CPNE4: variants seen among roughly 807,000 people sequenced by gnomAD.
CPNE4 encodes copine-4.
In CPNE4, 25 loss-of-function variants were observed where a neutral mutation model predicts 67.9. The ratio of observed to expected loss-of-function variants is 0.37; its 90% CI spans 0.27 to 0.51. CPNE4 has a LOEUF of 0.51. CPNE4 is among the 20% of genes least tolerant of loss of function. The pLI, the probability that CPNE4 is intolerant of heterozygous loss-of-function variation, is 0.93. For synonymous variants in CPNE4, 242 were observed against 244.9 expected (o/e 0.99, Z 0.11); for missense variants, 464 against 690.8 (o/e 0.67, Z 3.68).
At chr3:131,563,776 C>T (rs1329676817) in intron 11 of CPNE4, among the ~76,000 whole-genome samples, 2 of 152,006 alleles carry the variant, frequency 1.3e-5, no homozygotes, top group South Asian at 2.1e-4. Context: ...TTAAGGAATA[C>T]ATACTATATA....
At chr3:131,884,243 C>A (rs1177601834) in intron 2 of CPNE4, among the ~76,000 whole-genome samples, 2 of 152,144 alleles carry the variant, frequency 1.3e-5, no homozygotes, top group East Asian at 3.8e-4. Flanking sequence ...ATGTGTGCAC[C>A]ACTATGGACT....
intron 2 of CPNE4, among the ~76,000 whole-genome samples, chr3:131,890,588 T>C (rs61566966): frequency 6.6e-6 from 1 of 151,804 alleles, no homozygotes; most frequent in African/African-American, 2.4e-5. Context: ...CAATCCCACT[T>C]TGGGGGTATA....
chr3:132,031,635 A>T (rs568254868), intron 1 of CPNE4, among the ~76,000 whole-genome samples: 6 of 152,354 alleles, frequency 3.9e-5, no homozygotes, highest in African/African-American at 1.2e-4. Flanking sequence ...CTAAATGAAA[A>T]GATCCTTTCT....
At chr3:131,558,855 CTTTT>C (rs772079177) in intron 11 of CPNE4, among the ~76,000 whole-genome samples, 1 of 147,276 alleles carries the variant, frequency 6.8e-6, no homozygotes, top group Non-Finnish European at 1.5e-5. Flanking sequence ...GAGGACATGG[CTTTT>C]TTTTTTAAAG....
intron 2 of CPNE4, among the ~76,000 whole-genome samples, chr3:131,754,403 G>A (rs2082705566): frequency 6.6e-6 from 1 of 152,064 alleles, no homozygotes; most frequent in South Asian, 2.1e-4. Context: ...CTTTTAAAAG[G>A]TGATGACAAG....
intron 2 of CPNE4, among the ~76,000 whole-genome samples, chr3:131,743,693 C>G (rs528409985): frequency 6.6e-6 from 1 of 151,920 alleles, no homozygotes; most frequent in Non-Finnish European, 1.5e-5. Context: ...AAAAACAATA[C>G]TGTAAAATAG....
chr3:131,820,920 T>C (rs2084938208), intron 2 of CPNE4, among the ~76,000 whole-genome samples: 1 of 152,180 alleles, frequency 6.6e-6, no homozygotes, highest in African/African-American at 2.4e-5. Flanking sequence ...CCTATGCCTG[T>C]CCAACATCAA....
chr3:131,815,576 CTA>C (rs889114213), intron 2 of CPNE4, among the ~76,000 whole-genome samples: 7 of 152,184 alleles, frequency 4.6e-5, no homozygotes, highest in Admixed American at 6.5e-5. Flanking sequence ...CAGAACCTGC[CTA>C]TATATATATG....
At chr3:131,821,965 A>G (rs1197442003) in intron 2 of CPNE4, among the ~76,000 whole-genome samples, 1 of 152,216 alleles carries the variant, frequency 6.6e-6, no homozygotes, top group Non-Finnish European at 1.5e-5. Context: ...GTAGCAGTGT[A>G]ATGTTAAATA....
chr3:131,998,218 T>C (rs150526261), intron 1 of CPNE4, among the ~76,000 whole-genome samples: 15 of 152,298 alleles, frequency 9.8e-5, no homozygotes, highest in African/African-American at 3.6e-4. Context: ...GATCCCCTGA[T>C]GATGCAGCTG....
intron 1 of CPNE4, among the ~76,000 whole-genome samples, chr3:131,947,976 G>A (rs1015317484): frequency 3.3e-5 from 5 of 152,172 alleles, no homozygotes; most frequent in African/African-American, 1.2e-4. Context: ...ACTTTGAATA[G>A]TACTAAAGTT....
intron 1 of CPNE4, among the ~76,000 whole-genome samples, chr3:131,990,067 A>G (rs2073141567): frequency 7.3e-6 from 1 of 136,728 alleles, no homozygotes; most frequent in Non-Finnish European, 1.7e-5. Flanking sequence ...GTGAATTGCA[A>G]TGCCCATTGT....
intron 10 of CPNE4, among the ~76,000 whole-genome samples, chr3:131,571,045 C>T (rs1482974540): frequency 3.9e-5 from 6 of 152,016 alleles, no homozygotes; most frequent in Admixed American, 2.6e-4. Context: ...TACACTCTAA[C>T]TCCTGGGTCT....
Position 131,730,149 on chromosome 3 carries a change from T to C in CPNE4, c.181-6524A>G, listed in dbSNP as rs60735658. ...TAATTAATGATATACCATTGTTTAA[T>C]TGGAATATCTCTGAAATTGGGATGC... On this transcript the variant is annotated intron_variant, in intron 2 of 15. Coordinates refer to ENST00000429747, the MANE Select transcript of CPNE4 (RefSeq NM_130808.3). Among the ~76,000 whole-genome samples, 162 of 152,372 alleles carry C rather than the reference T, an allele frequency of 1.1e-3. 4 individuals carry two copies. The East Asian group carries it at 0.028, about 27-fold the overall frequency.
intron 1 of CPNE4, among the ~76,000 whole-genome samples, chr3:131,947,495 T>C (rs891970258): frequency 6.6e-6 from 1 of 152,206 alleles, no homozygotes; most frequent in Admixed American, 6.5e-5. Flanking sequence ...TGTTTGGTTT[T>C]CTGTTTCTGT....
chr3:132,028,650 C>T (rs80273039), intron 1 of CPNE4, among the ~76,000 whole-genome samples: 5,511 of 152,180 alleles, frequency 0.036, 144 homozygotes, highest in Admixed American at 0.053. Flanking sequence ...TTATTGCTAA[C>T]CTTTAACAAA....
intron 2 of CPNE4, among the ~76,000 whole-genome samples, chr3:131,870,728 G>C (rs990146621): frequency 6.6e-6 from 1 of 152,070 alleles, no homozygotes; most frequent in African/African-American, 2.4e-5. Flanking sequence ...TAGATGTTCT[G>C]AGAAAGGATG....
Position 131,978,997 on chromosome 3 carries a change from T to C in CPNE4, c.-2+55570A>G, listed in dbSNP as rs1015057294. ...ATTTAATTTCCAAGTATTTGCATGG[T>C]TTTGAAAGTTCCTTTTGGAGTTGAT... is the stretch of plus-strand genomic sequence containing the variant. On this transcript the variant is annotated intron_variant, in intron 1 of 15. Coordinates refer to ENST00000429747, the MANE Select transcript of CPNE4 (RefSeq NM_130808.3). Among the ~76,000 whole-genome samples the C allele has an allele frequency of 2.6e-5, 4 of 152,156 alleles. 1 individual carries two copies. The South Asian group carries it at 8.3e-4, about 32-fold the overall frequency.
chr3:131,698,456 A>T (rs1421444672), intron 4 of CPNE4, among the ~76,000 whole-genome samples: 3 of 152,002 alleles, frequency 2.0e-5, no homozygotes, highest in Non-Finnish European at 2.9e-5. Flanking sequence ...AGTGTCTTCA[A>T]AGAACACTTT....
Sources: allele counts gnomAD v4.1 joint callset (sites outside exome capture counted in the v4.1 genomes callset), GRCh38; gene constraint gnomAD v4.1.1; transcripts MANE v1.5; gene names NCBI Gene and HGNC (gene_info 2026-07-23, HGNC 2026-07-21).